ACACA: variants seen among roughly 807,000 people sequenced by gnomAD.
ACACA encodes acetyl-CoA carboxylase alpha, also known as acetyl-CoA carboxylase 1.
A neutral mutation model predicts 296.1 loss-of-function variants in ACACA; 103 were observed. The ratio of observed to expected loss-of-function variants is 0.35; its 90% CI spans 0.30 to 0.41. The LOEUF (loss-of-function observed/expected upper bound fraction) is 0.41, where lower values mean the gene tolerates loss of function less well. Ranked by LOEUF, ACACA falls within the 10% of genes least tolerant of loss-of-function variation. The pLI is 1.00. For missense variants in ACACA, 1,554 were observed against 2,989.7 expected (o/e 0.52, Z 11.20); for synonymous variants, 953 against 1,038.6 (o/e 0.92, Z 1.58).
Position 37,284,823 on chromosome 17 carries a change from C to A in ACACA, c.471+15G>T, listed in dbSNP as rs750014019. On this transcript the variant is annotated intron_variant, in intron 4 of 55. Transcript: ENST00000616317. ...AAGTGCTTTTGACAAAATAATTCAGCAAGTTACAACTTACCTTCTCAATCA... is the reference window on the plus strand; with the variant it reads ...AAGTGCTTTTGACAAAATAATTCAGAAAGTTACAACTTACCTTCTCAATCA... 1.4e-5 allele frequency: 22 copies of A among 1,613,996 alleles called. No homozygotes were observed. The highest frequency in any genetic ancestry group is 1.8e-5 in the Non-Finnish European group (21 of 1,180,018).
Position 37,294,036 on chromosome 17 carries a change from A to G in ACACA, c.339-9066T>C, listed in dbSNP as rs753942091. On this transcript the variant is annotated intron_variant, in intron 3 of 55. Coordinates refer to ENST00000616317, the MANE Select transcript of ACACA (RefSeq NM_198834.3). The stretch of plus-strand genomic sequence containing the variant: ...ATAAGGTGCTCACCTAAACCTAAGT[A>G]ACAGCCTTAAAGGTAAATACACTGG... 9.1e-4 allele frequency among the ~76,000 whole-genome samples: 139 copies of G among 152,304 alleles called. 2 individuals are homozygous for G. The highest frequency in any genetic ancestry group is 3.4e-3 in the Middle Eastern group (1 of 294).
rs140705155 is a variant in ACACA, at chr17:37,159,616, C to CT, written c.5349+2164dup. ...ATTTTCATCAGCCCCAGAAAAACCC[C>CT]TGTACTGGATCAATTCCCATACTTT... On this transcript the variant is annotated intron_variant, in intron 42 of 55. Transcript: ENST00000616317. Among the ~76,000 whole-genome samples the CT allele has an allele frequency of 9.7e-3, 1,481 of 152,294 alleles. 21 individuals are homozygous for CT. Among genetic ancestry groups the CT allele is most frequent in the African/African-American group, 0.034 (1,409 of 41,546 alleles).
At chr17:37,362,758 G>A (rs1319656866) in intron 1 of ACACA, among the ~76,000 whole-genome samples, 1 of 152,082 alleles carries the variant, frequency 6.6e-6, no homozygotes, top group East Asian at 1.9e-4. Context: ...GGTGGATCAC[G>A]AGGTCAGGAT....
At chr17:37,245,867 A>C (rs1280724260) in intron 19 of ACACA, among the ~76,000 whole-genome samples, 1 of 152,156 alleles carries the variant, frequency 6.6e-6, no homozygotes, top group Non-Finnish European at 1.5e-5. Flanking sequence ...ATGGTTTATA[A>C]GATCCTTCAT....
rs2145989205 is a variant in ACACA at position 37,245,095 on chromosome 17, G to A, written c.2580C>T (p.Pro860=). The A allele has an allele frequency of 1.9e-6, 3 of 1,614,166 alleles. No homozygotes were observed. The highest frequency in any genetic ancestry group is 4.5e-5 in the East Asian group (2 of 44,892). ...TCCTACTCACCTGCTGAACCTTGCT[G>A]GGGTTGTCCAGTTGCATTTTGGCTA... ...CVLAKMQLDN[P]SKVQQAELHT... is the part of the protein sequence containing the mutation. The change falls in exon 20 of 56, where the codon CCC becomes CCT. Residue 860 remains proline (P), a synonymous_variant. Transcript: ENST00000616317.
intron 1 of ACACA, among the ~76,000 whole-genome samples, chr17:37,378,394 G>A (rs955763170): frequency 6.6e-6 from 1 of 152,180 alleles, no homozygotes; most frequent in Non-Finnish European, 1.5e-5. Flanking sequence ...AATGGAAATG[G>A]GTTAGCTTGG....
At chr17:37,218,487 T>C (rs2079137832) in intron 29 of ACACA, among the ~76,000 whole-genome samples, 1 of 152,220 alleles carries the variant, frequency 6.6e-6, no homozygotes, top group Non-Finnish European at 1.5e-5. Context: ...GTAGCTTGTA[T>C]TATATTTCTA....
At position 37,299,283 on chromosome 17, in the gene ACACA, T is replaced by C. The variant is rs2083502530; in HGVS notation, c.339-14313A>G. 4 of 1,613,940 alleles carry C rather than the reference T, an allele frequency of 2.5e-6. No homozygotes were observed. In the East Asian group the frequency reaches 8.9e-5, roughly 36 times the overall value. The stretch of plus-strand genomic sequence containing the variant: ...AATGTGGTAGCCTAACACTTACCTT[T>C]GAAGCATGTAATATCTCATTTCCTT... On this transcript the variant is annotated intron_variant, in intron 3 of 55. Coordinates refer to ENST00000616317, the MANE Select transcript of ACACA (RefSeq NM_198834.3).
chr17:37,151,527 A>G (rs374160339), intron 43 of ACACA, 106 bp from the exon 44 acceptor site: 4 of 1,364,264 alleles, frequency 2.9e-6, no homozygotes, highest in Non-Finnish European at 2.0e-6. Context: ...TTGAAAGCTT[A>G]TATTTAATGC....
rs76536479 is a variant in ACACA, at chr17:37,377,871, A to G, written c.38+28391T>C. The G allele has an allele frequency of 6.1e-3, 9,709 of 1,585,250 alleles. 438 individuals carry two copies. In the African/African-American group the frequency reaches 0.11, roughly 18 times the overall value. On this transcript the variant is annotated intron_variant, in intron 1 of 55. Coordinates refer to ENST00000616317, the MANE Select transcript of ACACA (RefSeq NM_198834.3). The stretch of plus-strand genomic sequence containing the variant: ...CGGTTCCCCTCCTCCCCCTCTGCTC[A>G]CCCCCAGACCTCAGAGATAGCAGTT...
At position 37,300,529 on chromosome 17, in the gene ACACA, T is replaced by C. The variant is rs537193231; in HGVS notation, c.339-15559A>G. ...CCATCAAAATGCTGGATAGAAATAGTTAACAATCTGATGCCAACCACGCTG... is the reference window on the plus strand; with the variant it reads ...CCATCAAAATGCTGGATAGAAATAGCTAACAATCTGATGCCAACCACGCTG... On this transcript the variant is annotated intron_variant, in intron 3 of 55. Transcript: ENST00000616317. 2.6e-5 allele frequency among the ~76,000 whole-genome samples: 4 copies of C among 152,212 alleles called. No individual in the cohort carries two copies. The South Asian group carries it at 8.3e-4, about 32-fold the overall frequency.
At chr17:37,182,775 A>G (rs886174547) in intron 39 of ACACA, among the ~76,000 whole-genome samples, 3 of 152,232 alleles carry the variant, frequency 2.0e-5, no homozygotes, top group African/African-American at 7.2e-5. Context: ...ATATATATGC[A>G]CAGGAATAGA....
At chr17:37,167,520 T>C (rs1003159748) in intron 41 of ACACA, among the ~76,000 whole-genome samples, 6 of 151,856 alleles carry the variant, frequency 4.0e-5, no homozygotes, top group Admixed American at 2.0e-4. Flanking sequence ...GATTTCACCA[T>C]GTTGGCCAGG....
At chr17:37,282,294 C>T (rs1168296806) in intron 5 of ACACA, among the ~76,000 whole-genome samples, 1 of 152,198 alleles carries the variant, frequency 6.6e-6, no homozygotes, top group Admixed American at 6.5e-5. Flanking sequence ...CCTTCATCTT[C>T]CCCCAGTAAG....
chr17:37,398,803 C>T (rs1399431642), intron 1 of ACACA, among the ~76,000 whole-genome samples: 1 of 140,928 alleles, frequency 7.1e-6, no homozygotes, highest in Non-Finnish European at 1.5e-5. Context: ...AGGCTAGTCT[C>T]GAACTACTGA....
chr17:37,350,492 C>A (rs1288282510), intron 1 of ACACA, among the ~76,000 whole-genome samples: 2 of 152,002 alleles, frequency 1.3e-5, no homozygotes, highest in Non-Finnish European at 2.9e-5. Context: ...TGCATTCCAG[C>A]ATGGGCAAAA....
intron 25 of ACACA, among the ~76,000 whole-genome samples, chr17:37,229,143 CA>C (rs11454831): frequency 0.36 from 38,402 of 106,058 alleles, 5,825 homozygotes; most frequent in African/African-American, 0.5. Context: ...GACTCCGTCT[CA>C]AAAAAAAAAA....
rs540097123 is a variant in ACACA, at chr17:37,349,462, T to C, written c.39-9612A>G. Among the ~76,000 whole-genome samples the C allele has an allele frequency of 8.7e-4, 129 of 148,180 alleles. 1 individual carries two copies. The highest frequency in any genetic ancestry group is 3.1e-3 in the African/African-American group (127 of 40,806). ...ATATAGATAAGATATATCTTACATA[T>C]ATATTTTACATATATACGTATATAA... is the stretch of plus-strand genomic sequence containing the variant. On this transcript the variant is annotated intron_variant, in intron 1 of 55. Coordinates refer to ENST00000616317, the MANE Select transcript of ACACA (RefSeq NM_198834.3).
intron 29 of ACACA, among the ~76,000 whole-genome samples, chr17:37,214,926 T>C (rs189670131): frequency 6.6e-6 from 1 of 152,338 alleles, no homozygotes; most frequent in African/African-American, 2.4e-5. Flanking sequence ...GTCTAATCTC[T>C]GGGTGTTAAA....
Sources: allele counts gnomAD v4.1 joint callset (sites outside exome capture counted in the v4.1 genomes callset), GRCh38; gene constraint gnomAD v4.1.1; transcripts MANE v1.5; gene names NCBI Gene and HGNC (gene_info 2026-07-23, HGNC 2026-07-21).